FASTKD2: variants seen among roughly 807,000 people sequenced by gnomAD.
The protein encoded by FASTKD2 is FAST kinase domains 2.
A neutral mutation model predicts 63.6 loss-of-function variants in FASTKD2; 51 were observed. The observed-to-expected ratio is 0.80, with a 90% CI of 0.64 to 1.01. The LOEUF is 1.01. FASTKD2 is among the 50% of genes least tolerant of loss of function. The pLI is 0.00. For missense variants in FASTKD2, 786 were observed against 831.1 expected (o/e 0.95, Z 0.67); for synonymous variants, 284 against 293.4 (o/e 0.97, Z 0.33).
At chr2:206,789,922 A>G (rs1230316911) in intron 10 of FASTKD2, 1 of 152,304 alleles carries the variant, frequency 6.6e-6, no homozygotes, top group Non-Finnish European at 1.5e-5. Flanking sequence ...AAAAACATAA[A>G]ATTTGTCTTA....
chr2:206,776,707 G>C (rs1216673931), intron 7 of FASTKD2, among the ~76,000 whole-genome samples: 1 of 151,984 alleles, frequency 6.6e-6, no homozygotes, highest in African/African-American at 2.4e-5. Flanking sequence ...CTGTAGCTTT[G>C]TAATATATTT....
intron 2 of FASTKD2, among the ~76,000 whole-genome samples, chr2:206,769,397 G>A (rs912633310): frequency 6.6e-6 from 1 of 152,138 alleles, no homozygotes; most frequent in Non-Finnish European, 1.5e-5. Context: ...GTGATTTTTT[G>A]TGAGGTTTAT....
At chr2:206,790,512 G>A (rs1203746338) in intron 10 of FASTKD2, 60 bp from the exon 11 acceptor site, 5 of 994,168 alleles carry the variant, frequency 5.0e-6, no homozygotes, top group African/African-American at 1.6e-5. Context: ...GAACAAGAAT[G>A]CAGCAAGACT....
At chr2:206,791,131 T>TA (rs1279749992) in intron 11 of FASTKD2, 8 of 211,688 alleles carry the variant, frequency 3.8e-5, no homozygotes, top group African/African-American at 1.9e-4. Context: ...TCTTCCCTCT[T>TA]ATGCTTCAAT....
At chr2:206,780,128 T>C (rs953647688) in intron 7 of FASTKD2, among the ~76,000 whole-genome samples, 2 of 152,194 alleles carry the variant, frequency 1.3e-5, no homozygotes, top group Admixed American at 6.5e-5. Flanking sequence ...TTTTTTAACA[T>C]TTATACTAGA....
rs779536604 is a variant in FASTKD2, at chr2:206,766,808, A to G, written c.115A>G (p.Arg39Gly). 4 of 1,612,998 alleles carry G rather than the reference A, an allele frequency of 2.5e-6. No individual in the cohort carries two copies. In the South Asian group the frequency reaches 3.3e-5, roughly 13 times the overall value. Residue 39 changes from arginine to glycine, a missense_variant, in exon 2 of 12, where the codon AGA (arginine) becomes GGA (glycine). Coordinates refer to ENST00000402774, the MANE Select transcript of FASTKD2 (RefSeq NM_001136193.2). ...RQFSTLVSTS[R>G]TMRLCCLGLC... The stretch of plus-strand genomic sequence containing the variant: ...ATTCAGTACATTAGTTTCAACAAGC[A>G]GAACTATGAGGCTATGTTGTTTGGG...
chr2:206,771,071 TG>T, intron 3 of FASTKD2, 110 bp from the exon 4 acceptor site: 1 of 694,350 alleles, frequency 1.4e-6, no homozygotes, highest in Admixed American at 2.1e-5. Flanking sequence ...ATCATTTCTC[TG>T]GGCTTCATAA....
Position 206,791,835 on chromosome 2 carries a change from T to C in FASTKD2, c.*33T>C. ...ATCAACCTTTTCATATTAGGAGACA[T>C]GCATTTGTAAAAATTAATAAAGATG... is the stretch of plus-strand genomic sequence containing the variant. On this transcript the variant is annotated 3_prime_UTR_variant, in exon 12 of 12. Transcript: ENST00000402774. The C allele has an allele frequency of 6.3e-7, 1 of 1,599,640 alleles. No individual in the cohort carries two copies. Among genetic ancestry groups the C allele is most frequent in the Non-Finnish European group, 8.5e-7 (1 of 1,171,054 alleles).
In FASTKD2 at chr2:206,791,713, A is replaced by G. The variant is rs748719582; in HGVS notation, c.2044A>G (p.Met682Val). ...TAACTGGGAGATGGACAAACTAGAG[A>G]TGGAAGATGCAGTCACATTTTTGAA... ...VNNWEMDKLEMEDAVTFLKTK... is the reference protein window; with the variant it reads ...VNNWEMDKLEVEDAVTFLKTK... Residue 682 changes from methionine to valine, a missense_variant, in exon 12 of 12, where the codon ATG becomes GTG. Met to Val is a conservative substitution (Grantham distance 21). Transcript: ENST00000402774. 6.2e-7 allele frequency: 1 copy of G among 1,612,414 alleles called. No homozygotes were observed. Among genetic ancestry groups the G allele is most frequent in the Non-Finnish European group, 8.5e-7 (1 of 1,178,646 alleles).
Position 206,770,185 on chromosome 2 carries a change from C to A in FASTKD2, c.872C>A (p.Thr291Lys), listed in dbSNP as rs138500508. 2 of 1,596,812 alleles carry A rather than the reference C, an allele frequency of 1.3e-6. No homozygotes were observed. Among genetic ancestry groups the A allele is most frequent in the Non-Finnish European group, 1.7e-6 (2 of 1,164,328 alleles). ...TGCAAGAATGTTCATGTTCTACGAA[C>A]GGGATTCAGGTGAGAACTCTCTTAT... is the stretch of plus-strand genomic sequence containing the variant. ...EPCKNVHVLR[T>K]GFRILVDQQV... The change falls in exon 3 of 12, where the codon ACG becomes AAG. Residue 291 changes from threonine (T) to lysine (K), a missense_variant. Thr to Lys is a moderately conservative substitution (Grantham distance 78, BLOSUM62 -1). Transcript: ENST00000402774.
In FASTKD2 at chr2:206,771,099, G is replaced by A. The variant is rs1370532162; in HGVS notation, c.882-83G>A. 3 of 808,084 alleles carry A rather than the reference G, an allele frequency of 3.7e-6. No homozygotes were observed. In the African/African-American group the frequency reaches 5.1e-5, roughly 14 times the overall value. 50.1% of individuals were successfully genotyped at this position (808,084 alleles called of 1,614,324 possible). A position where few individuals can be genotyped will look rare whatever the true frequency, so the allele number is the denominator to read the frequency against. The stretch of plus-strand genomic sequence containing the variant: ...GCTTCATAATCCTTGCCTGTAAGAA[G>A]GGGCTGGACCAAATGAAATTTTAAG... On this transcript the variant is annotated intron_variant, in intron 3 of 11. Transcript: ENST00000402774.
rs529832598 is a variant in FASTKD2 at position 206,780,524 on chromosome 2, G to C, written c.1427+6127G>C. 1.7e-4 allele frequency among the ~76,000 whole-genome samples: 26 copies of C among 152,254 alleles called. 1 individual carries two copies. Among genetic ancestry groups the C allele is most frequent in the African/African-American group, 6.0e-4 (25 of 41,554 alleles). On this transcript the variant is annotated intron_variant, in intron 7 of 11. Coordinates refer to ENST00000402774, the MANE Select transcript of FASTKD2 (RefSeq NM_001136193.2). ...TGCTTTTCATCCTTGTGGGAGATAC[G>C]AGTTGCTTTTAAAGTTCTTTTTGTT... is the stretch of plus-strand genomic sequence containing the variant.
chr2:206,787,578 T>C (rs1690168968), intron 8 of FASTKD2, among the ~76,000 whole-genome samples: 1 of 152,214 alleles, frequency 6.6e-6, no homozygotes, highest in South Asian at 2.1e-4. Flanking sequence ...AGTGTAATAA[T>C]GGAGAAACAG....
chr2:206,778,376 A>G (rs1259108751), intron 7 of FASTKD2, among the ~76,000 whole-genome samples: 3 of 151,670 alleles, frequency 2.0e-5, no homozygotes, highest in South Asian at 2.1e-4. Context: ...AATATTTTCT[A>G]ATTTCCCTTT....
Position 206,792,522 on chromosome 2 carries a change from A to AT in FASTKD2, c.*726dup, listed in dbSNP as rs1166027457. On this transcript the variant is annotated 3_prime_UTR_variant, in exon 12 of 12. Transcript: ENST00000402774. Reference sequence around the variant, plus strand: ...GTGTTGTGAATCAGACCTGAGGACTATTTTTTCGATTATGTGTGTTCATTC... The same window carrying AT: ...GTGTTGTGAATCAGACCTGAGGACTATTTTTTTCGATTATGTGTGTTCATTC... 1.3e-5 allele frequency: 2 copies of AT among 152,078 alleles called. No homozygotes were observed. Among genetic ancestry groups the AT allele is most frequent in the Non-Finnish European group, 2.9e-5 (2 of 68,062 alleles). 9.4% of individuals were successfully genotyped at this position (152,078 alleles called of 1,614,324 possible).
chr2:206,784,462 C>G (rs566681693), intron 7 of FASTKD2, among the ~76,000 whole-genome samples: 3 of 152,198 alleles, frequency 2.0e-5, no homozygotes, highest in Non-Finnish European at 4.4e-5. Context: ...TTTATGATGG[C>G]CCATCGGGGA....
At chr2:206,776,496 G>A (rs1241492094) in intron 7 of FASTKD2, among the ~76,000 whole-genome samples, 5 of 151,856 alleles carry the variant, frequency 3.3e-5, no homozygotes, top group Admixed American at 6.6e-5. Flanking sequence ...TAGGAATTTT[G>A]TAGTTTTAGG....
rs920967631 is a variant in FASTKD2 at position 206,765,654 on chromosome 2, G to C, written c.-144G>C. On this transcript the variant is annotated 5_prime_UTR_variant, in exon 1 of 12. Transcript: ENST00000402774. ...ACGTAGTCACGGTCTTGTGCTCTAA[G>C]GTGAGTGGAGGACGAGCTTGGGCTT... The C allele has an allele frequency of 6.5e-6, 3 of 464,738 alleles. No homozygotes were observed. The highest frequency in any genetic ancestry group is 8.6e-6 in the Non-Finnish European group (3 of 347,598). The allele number at this position is 464,738 out of a possible 1,614,324, so 28.8% of individuals were successfully genotyped here. A position where few individuals can be genotyped will look rare whatever the true frequency, so the allele number is the denominator to read the frequency against.
Position 206,784,795 on chromosome 2 carries a change from C to T in FASTKD2, c.1428-1938C>T, listed in dbSNP as rs1375886600. 3.3e-5 allele frequency among the ~76,000 whole-genome samples: 5 copies of T among 152,170 alleles called. 1 individual carries two copies. The South Asian group carries it at 6.2e-4, about 19-fold the overall frequency. On this transcript the variant is annotated intron_variant, in intron 7 of 11. Coordinates refer to ENST00000402774, the MANE Select transcript of FASTKD2 (RefSeq NM_001136193.2). ...TCTTCCTCATCAAAGTTTATTTGTTCGTTTAGTCAGCATTTGCCAAGCACC... is the reference window on the plus strand; with the variant it reads ...TCTTCCTCATCAAAGTTTATTTGTTTGTTTAGTCAGCATTTGCCAAGCACC...
Sources: allele counts gnomAD v4.1 joint callset (sites outside exome capture counted in the v4.1 genomes callset), GRCh38; gene constraint gnomAD v4.1.1; transcripts MANE v1.5; gene names NCBI Gene and HGNC (gene_info 2026-07-23, HGNC 2026-07-21).